The following MYZAP variants were observed in gnomAD, a reference collection of about 807,000 sequenced individuals.
MYZAP encodes the protein myocardial zonula adherens protein, also known as GRINL1A complex locus upstream.
Under a neutral mutation model 69.4 loss-of-function variants are expected in MYZAP, and 66 were observed. The observed-to-expected ratio is 0.95, with a 90% CI of 0.78 to 1.17. The LOEUF is 1.17. MYZAP is among the 50% of genes most tolerant of loss of function. The pLI is 0.00. For synonymous variants in MYZAP, 256 were observed against 205.9 expected (o/e 1.24, Z -2.09); for missense variants, 611 against 556.2 (o/e 1.10, Z -0.99).
chr15:57,640,912 C>T (rs549560574), intron 10 of MYZAP, among the ~76,000 whole-genome samples: 2 of 152,320 alleles, frequency 1.3e-5, no homozygotes, highest in African/African-American at 2.4e-5. Flanking sequence ...GGAGATCCTG[C>T]CCTATCGTCA....
At chr15:57,600,264 A>C (rs951198409) in intron 1 of MYZAP, among the ~76,000 whole-genome samples, 3 of 152,356 alleles carry the variant, frequency 2.0e-5, no homozygotes, top group Admixed American at 6.5e-5. Context: ...TTATTAAAGA[A>C]AAACTAGCTT....
At chr15:57,604,615 C>T (rs183529667) in intron 2 of MYZAP, among the ~76,000 whole-genome samples, 6 of 152,328 alleles carry the variant, frequency 3.9e-5, no homozygotes, top group Admixed American at 2.6e-4. Context: ...GCTGCAGGGA[C>T]ACTGGTCTTA....
chr15:57,649,285 C>T (rs1333427156), intron 10 of MYZAP, among the ~76,000 whole-genome samples: 2 of 152,180 alleles, frequency 1.3e-5, no homozygotes, highest in Non-Finnish European at 2.9e-5. Flanking sequence ...ATTGCCCAAT[C>T]GCTGCCCACA....
At chr15:57,640,607 A>G (rs996119128) in intron 10 of MYZAP, among the ~76,000 whole-genome samples, 3 of 152,216 alleles carry the variant, frequency 2.0e-5, no homozygotes, top group African/African-American at 7.2e-5. Flanking sequence ...AAATATATCT[A>G]TTTTATTAAT....
At chr15:57,599,382 C>T (rs1386104298) in intron 1 of MYZAP, 1 of 990,674 alleles carries the variant, frequency 1.0e-6, no homozygotes, top group Non-Finnish European at 1.2e-6. Context: ...TCGTCGTACC[C>T]TCATAGTCCC....
At position 57,654,937 on chromosome 15, in the gene MYZAP, A is replaced by G. The variant is rs535867870; in HGVS notation, c.1120-6513A>G. 2.6e-3 allele frequency among the ~76,000 whole-genome samples: 388 copies of G among 152,034 alleles called. 1 individual carries two copies. Among genetic ancestry groups the G allele is most frequent in the Non-Finnish European group, 4.4e-3 (296 of 67,988 alleles). On this transcript the variant is annotated intron_variant, in intron 10 of 12. Transcript: ENST00000267853. ...TAACGCAGTTTTTATTTAAATGTGC[A>G]GATTGGCAAGGGTGATTTCAGCTCC...
intron 2 of MYZAP, among the ~76,000 whole-genome samples, chr15:57,614,762 C>A (rs187238398): frequency 3.9e-4 from 60 of 152,244 alleles, no homozygotes; most frequent in Middle Eastern, 6.8e-3. Flanking sequence ...GTTCTCCTGA[C>A]TGTAGCATTG....
rs113325235 is a variant in MYZAP, at chr15:57,631,264, G to T, written c.679-1170G>T. Among the ~76,000 whole-genome samples, 669 of 152,176 alleles carry T rather than the reference G, an allele frequency of 4.4e-3. 10 individuals are homozygous for T. The highest frequency in any genetic ancestry group is 0.015 in the African/African-American group (636 of 41,528). On this transcript the variant is annotated intron_variant, in intron 6 of 12. Coordinates refer to ENST00000267853, the MANE Select transcript of MYZAP (RefSeq NM_001018100.5). ...CTACTCTATGTGTGTGTCCTGTTCAGTCCTGTTGGTTCCAGAGGTGGCCTG... is the reference window on the plus strand; with the variant it reads ...CTACTCTATGTGTGTGTCCTGTTCATTCCTGTTGGTTCCAGAGGTGGCCTG...
At chr15:57,625,134 T>G (rs1437087054) in intron 4 of MYZAP, among the ~76,000 whole-genome samples, 1 of 149,862 alleles carries the variant, frequency 6.7e-6, no homozygotes, top group East Asian at 1.9e-4. Flanking sequence ...CTCAGCTCAC[T>G]GCAACCTTGG....
intron 2 of MYZAP, among the ~76,000 whole-genome samples, 157 bp from the exon 3 acceptor site, chr15:57,617,876 C>T (rs756679714): frequency 2.6e-5 from 4 of 152,168 alleles, no homozygotes; most frequent in African/African-American, 7.2e-5. Flanking sequence ...CCTTGGTGAA[C>T]AGAGACTAGA....
intron 10 of MYZAP, chr15:57,648,034 A>G (rs1319219695): frequency 1.0e-6 from 1 of 985,100 alleles, no homozygotes; most frequent in Non-Finnish European, 1.2e-6. Context: ...AGGAGGTGCT[A>G]CTCAAAAGTT....
chr15:57,625,082 A>G (rs551679068), intron 4 of MYZAP, among the ~76,000 whole-genome samples: 2 of 150,638 alleles, frequency 1.3e-5, no homozygotes, highest in Admixed American at 6.6e-5. Flanking sequence ...AATGAGACGG[A>G]GTTTCGCTGT....
chr15:57,647,936 C>T lies in MYZAP; in HGVS notation c.1119+8391C>T, dbSNP rs1350233602. The stretch of plus-strand genomic sequence containing the variant: ...CTGAGTCATGTGCTGAAATCCTGCC[C>T]CGCCACCGCTTTCCTCCCTTAACTG... On this transcript the variant is annotated intron_variant, in intron 10 of 12. Coordinates refer to ENST00000267853, the MANE Select transcript of MYZAP (RefSeq NM_001018100.5). 9 of 985,192 alleles carry T rather than the reference C, an allele frequency of 9.1e-6. No homozygotes were observed. The East Asian group carries it at 1.0e-3, about 112-fold the overall frequency. The allele number at this position is 985,192 out of a possible 1,614,324, so 61.0% of individuals were successfully genotyped here. A position where few individuals can be genotyped will look rare whatever the true frequency, so the allele number is the denominator to read the frequency against.
At chr15:57,620,552 C>T (rs1416785131) in intron 3 of MYZAP, among the ~76,000 whole-genome samples, 1 of 152,206 alleles carries the variant, frequency 6.6e-6, no homozygotes, top group Non-Finnish European at 1.5e-5. Flanking sequence ...CCTGCTAGCC[C>T]TCTGAAAGTA....
intron 2 of MYZAP, among the ~76,000 whole-genome samples, chr15:57,617,140 C>G (rs536767682): frequency 6.6e-6 from 1 of 152,140 alleles, no homozygotes; most frequent in African/African-American, 2.4e-5. Context: ...CAGAGCCAGG[C>G]TTGAATGTAG....
Position 57,684,593 on chromosome 15 carries a change from A to C in MYZAP, c.*95A>C, listed in dbSNP as rs1595954598. On this transcript the variant is annotated 3_prime_UTR_variant, in exon 13 of 13. Transcript: ENST00000267853. Reference sequence around the variant, plus strand: ...GAAGGGTGACTGTTGTTTCCCCTACACACAGTGTAAGCCGGAATGGGAATC... The same window carrying C: ...GAAGGGTGACTGTTGTTTCCCCTACCCACAGTGTAAGCCGGAATGGGAATC... The C allele has an allele frequency of 7.7e-6, 6 of 781,456 alleles. No homozygotes were observed. Among genetic ancestry groups the C allele is most frequent in the Non-Finnish European group, 1.3e-5 (6 of 465,924 alleles). The allele number at this position is 781,456 out of a possible 1,614,324, so 48.4% of individuals were successfully genotyped here.
intron 2 of MYZAP, among the ~76,000 whole-genome samples, chr15:57,604,883 G>A (rs1422351125): frequency 6.6e-6 from 1 of 152,196 alleles, no homozygotes; most frequent in African/African-American, 2.4e-5. Flanking sequence ...TGCTGAGGCC[G>A]TGAAGATAAG....
rs1364362912 is a variant in MYZAP, at chr15:57,592,108, G to T, written c.74G>T (p.Arg25Met). 1.5e-6 allele frequency: 2 copies of T among 1,342,010 alleles called. No homozygotes were observed. Among genetic ancestry groups the T allele is most frequent in the Non-Finnish European group, 1.9e-6 (2 of 1,050,296 alleles). The allele number at this position is 1,342,010 out of a possible 1,614,324, so 83.1% of individuals were successfully genotyped here. The stretch of plus-strand genomic sequence containing the variant: ...AGGACGCCCGGGGCGCCCAGCAGGA[G>T]GGTGAGTAGCGGGGGCGGGAGCCGC... The part of the protein sequence containing the change: ...AARTPGAPSR[R>M]ANVCRLRLTV... Residue 25 changes from arginine (R) to methionine (M), a missense_variant and splice_region_variant, in exon 1 of 13, where the codon AGG (arginine) becomes ATG (methionine). By Grantham distance (91) the Arg-to-Met change is moderately conservative. Transcript: ENST00000267853.
intron 12 of MYZAP, among the ~76,000 whole-genome samples, chr15:57,679,367 TG>T (rs1210802234): frequency 2.4e-4 from 10 of 42,100 alleles, no homozygotes; most frequent in African/African-American, 5.6e-4. Context: ...TGTGTGTGTG[TG>T]TGTGTGTTTC....
Sources: allele counts gnomAD v4.1 joint callset (sites outside exome capture counted in the v4.1 genomes callset), GRCh38; gene constraint gnomAD v4.1.1; transcripts MANE v1.5; gene names NCBI Gene and HGNC (gene_info 2026-07-23, HGNC 2026-07-21).